Variants in BTN3A3 observed in about 807,000 individuals in gnomAD.
BTN3A3 encodes butyrophilin subfamily 3 member A3, also known as butyrophilin 3.
BTN3A3 carries 39 observed loss-of-function variants against 43.2 expected under a neutral mutation model. The ratio of observed to expected loss-of-function variants is 0.90; its 90% confidence interval spans 0.70 to 1.18. The LOEUF is 1.18. Ranked by LOEUF, BTN3A3 falls within the 50% of genes most tolerant of loss-of-function variation. BTN3A3 has a pLI of 0.00. For synonymous variants in BTN3A3, 255 were observed against 272.7 expected, an observed-to-expected ratio of 0.93 and a Z score of 0.64; for missense variants, 631 against 722.8, an observed-to-expected ratio of 0.87 and a Z score of 1.46.
In BTN3A3 at chr6:26,448,269, AG is replaced by A. The variant is rs1762834972; in HGVS notation, c.738del (p.Gln246HisfsTer45). ...GCAGACCCCTTCTTCAGGAGCGCCC[AG>A]CCCTGGATCGCGGCCCTGGCAGGGA... ...SIADPFFRSA[Q>X]PWIAALAGTL... On this transcript the variant is annotated frameshift_variant, in exon 6 of 11. Coordinates refer to ENST00000244519, the MANE Select transcript of BTN3A3 (RefSeq NM_006994.5). LOFTEE classifies it high-confidence loss of function. The A allele has an allele frequency of 6.2e-7, 1 of 1,612,594 alleles. No homozygotes were observed. The highest frequency in any genetic ancestry group is 8.5e-7 in the Non-Finnish European group (1 of 1,179,806).
chr6:26,443,552 G>C lies in BTN3A3; in HGVS notation c.-5-18G>C, dbSNP rs553279861. ...CATAGTGTCTGTCCCACACCTTCTG[G>C]TATCTCTTGATATGCAGCATAGATG... On this transcript the variant is annotated intron_variant, in intron 2 of 10. Coordinates refer to ENST00000244519, the MANE Select transcript of BTN3A3 (RefSeq NM_006994.5). 200 of 1,613,318 alleles carry C rather than the reference G, an allele frequency of 1.2e-4. No homozygotes were observed. The highest frequency in any genetic ancestry group is 1.6e-4 in the Non-Finnish European group (191 of 1,179,410).
At position 26,450,087 on chromosome 6, in the gene BTN3A3, C is replaced by T. The variant is rs1371067457; in HGVS notation, c.992-20C>T. The T allele has an allele frequency of 6.2e-7, 1 of 1,612,624 alleles. No individual in the cohort carries two copies. The highest frequency in any genetic ancestry group is 8.5e-7 in the Non-Finnish European group (1 of 1,178,730). On this transcript the variant is annotated intron_variant, in intron 9 of 10. Coordinates refer to ENST00000244519, the MANE Select transcript of BTN3A3 (RefSeq NM_006994.5). ...ACAAAAATACTGACCTTTTTCTTAT[C>T]TGTGTCTCCTTCCTTTCAGAATGGA... is the stretch of plus-strand genomic sequence containing the variant.
intron 1 of BTN3A3, among the ~76,000 whole-genome samples, chr6:26,442,952 CA>C (rs1387247224): frequency 1.3e-5 from 2 of 152,214 alleles, no homozygotes; most frequent in African/African-American, 4.8e-5. Context: ...TGTGGGTGCT[CA>C]GTAAATACTT....
chr6:26,441,294 G>A (rs542590251), intron 1 of BTN3A3, among the ~76,000 whole-genome samples: 27 of 152,258 alleles, frequency 1.8e-4, no homozygotes, highest in African/African-American at 6.5e-4. Context: ...TTTAGGTACA[G>A]TATCTGTTTT....
Position 26,445,729 on chromosome 6 carries a change from A to G in BTN3A3, c.459A>G (p.Glu153=). 1 of 1,614,162 alleles carries G rather than the reference A, an allele frequency of 6.2e-7. No individual in the cohort carries two copies. Among genetic ancestry groups the G allele is most frequent in the Non-Finnish European group, 8.5e-7 (1 of 1,180,022 alleles). Residue 153 remains glutamate, a synonymous_variant, in exon 5 of 11, where the codon GAA becomes GAG. Coordinates refer to ENST00000244519, the MANE Select transcript of BTN3A3 (RefSeq NM_006994.5). ...VAALGSDLHI[E]VKGYEDGGIH... ...CATTGGGTTCTGATCTTCACATTGA[A>G]GTGAAGGGTTATGAGGATGGAGGGA...
In BTN3A3 at chr6:26,450,117, G is replaced by T; in HGVS notation, c.1002G>T (p.Met334Ile). 1.2e-6 allele frequency: 2 copies of T among 1,613,724 alleles called. No homozygotes were observed. Among genetic ancestry groups the T allele is most frequent in the Non-Finnish European group, 1.7e-6 (2 of 1,179,658 alleles). Residue 334 changes from methionine (M) to isoleucine (I), a missense_variant, in exon 10 of 11, where the codon ATG (methionine) becomes ATT (isoleucine). Coordinates refer to ENST00000244519, the MANE Select transcript of BTN3A3 (RefSeq NM_006994.5). ...TCTCCTTCCTTTCAGAATGGAAAAT[G>T]GCCCTCTTCAAACCTGGTGAGTAAA... ...EKSLAYHEWK[M>I]ALFKPADVIL... is the part of the protein sequence containing the mutation.
Position 26,440,505 on chromosome 6 carries a change from T to C in BTN3A3, c.-210T>C, listed in dbSNP as rs1217879724. On this transcript the variant is annotated 5_prime_UTR_variant, in exon 1 of 11. Coordinates refer to ENST00000244519, the MANE Select transcript of BTN3A3 (RefSeq NM_006994.5). Reference sequence around the variant, plus strand: ...AACTAATTCTTCCAAAAAGAGATTGTTATTATTCCTCACAATAACCAGATA... The same window carrying C: ...AACTAATTCTTCCAAAAAGAGATTGCTATTATTCCTCACAATAACCAGATA... The C allele has an allele frequency of 6.6e-6, 1 of 152,220 alleles. No homozygotes were observed. The highest frequency in any genetic ancestry group is 1.5e-5 in the Non-Finnish European group (1 of 68,040). The allele number at this position is 152,220 out of a possible 1,614,324, so 9.4% of individuals were successfully genotyped here.
rs373589611 is a variant in BTN3A3, at chr6:26,445,793, C to T, written c.523C>T (p.Pro175Ser). ...CAGGTCCACTGGCTGGTACCCCCAA[C>T]CCCAAATAAAGTGGAGCGACACCAA... ...ECRSTGWYPQ[P>S]QIKWSDTKGE... Residue 175 changes from proline (P) to serine (S), a missense_variant, in exon 5 of 11, where the codon CCC (proline) becomes TCC (serine). Pro to Ser is a moderately conservative substitution (Grantham distance 74). Coordinates refer to ENST00000244519, the MANE Select transcript of BTN3A3 (RefSeq NM_006994.5). The T allele has an allele frequency of 9.9e-6, 16 of 1,614,042 alleles. No individual in the cohort carries two copies. The highest frequency in any genetic ancestry group is 8.9e-5 in the East Asian group (4 of 44,890).
chr6:26,445,550 T>C, intron 4 of BTN3A3, 154 bp from the exon 5 acceptor site: 1 of 921,700 alleles, frequency 1.1e-6, no homozygotes. Context: ...CACTAGCCCA[T>C]TTAGTTTTCT....
rs147467780 is a variant in BTN3A3, at chr6:26,445,916, G to T, written c.646G>T (p.Gly216Trp). ...ASVIMRGSSGGGVSCIIRNSL... is the reference protein window; with the variant it reads ...ASVIMRGSSGWGVSCIIRNSL... ...TGTGATCATGAGAGGCAGCTCTGGT[G>T]GGGGTGTATCCTGCATCATCAGAAA... Residue 216 changes from glycine to tryptophan, a missense_variant, in exon 5 of 11, where the codon GGG becomes TGG. By Grantham distance (184) the Gly-to-Trp change is radical (BLOSUM62 -2). Around this residue, in one of 2 missense-constraint regions of BTN3A3, gnomAD observed 551 missense variants for 584.0 expected, o/e 0.94. Coordinates refer to ENST00000244519, the MANE Select transcript of BTN3A3 (RefSeq NM_006994.5). 46 of 1,614,104 alleles carry T rather than the reference G, an allele frequency of 2.8e-5. No homozygotes were observed. In the African/African-American group the frequency reaches 3.9e-4, roughly 14 times the overall value.
chr6:26,447,147 T>C (rs1467609707), intron 5 of BTN3A3, among the ~76,000 whole-genome samples: 1 of 152,204 alleles, frequency 6.6e-6, no homozygotes, highest in Non-Finnish European at 1.5e-5. Flanking sequence ...AAAAAAGAGA[T>C]AATTCTCTCT....
At position 26,444,040 on chromosome 6, in the gene BTN3A3, A is replaced by T. The variant is rs1234955164; in HGVS notation, c.169A>T (p.Thr57Ser). 11 of 1,613,892 alleles carry T rather than the reference A, an allele frequency of 6.8e-6. No homozygotes were observed. The highest frequency in any genetic ancestry group is 9.3e-6 in the Non-Finnish European group (11 of 1,179,830). ...TGATCTGCCCTGTCACCTGTTCCCGACCATGAGTGCAGAGACCATGGAGCT... is the reference window on the plus strand; with the variant it reads ...TGATCTGCCCTGTCACCTGTTCCCGTCCATGAGTGCAGAGACCATGGAGCT... ...DADLPCHLFP[T>S]MSAETMELRW... The change falls in exon 4 of 11, where the codon ACC (threonine) becomes TCC (serine). Residue 57 changes from threonine (T) to serine (S), a missense_variant. Physicochemically the swap from Thr to Ser is moderately conservative, Grantham distance 58. This residue lies in a region of BTN3A3 where 80 missense variants were observed against 138.7 expected (regional missense o/e 0.58). Transcript: ENST00000244519.
intron 10 of BTN3A3, 82 bp from the exon 11 acceptor site, chr6:26,451,593 A>G (rs1762931126): frequency 1.3e-6 from 2 of 1,534,740 alleles, no homozygotes; most frequent in East Asian, 4.5e-5. Context: ...CCTCCTTAGC[A>G]TGGTCCAGGC....
chr6:26,445,778 G>A lies in BTN3A3; in HGVS notation c.508G>A (p.Gly170Ser), dbSNP rs1230739806. 1 of 1,614,194 alleles carries A rather than the reference G, an allele frequency of 6.2e-7. No homozygotes were observed. Among genetic ancestry groups the A allele is most frequent in the Admixed American group, 1.7e-5 (1 of 60,026 alleles). ...GGIHLECRST[G>S]WYPQPQIKWS... ...GATCCATCTGGAGTGCAGGTCCACT[G>A]GCTGGTACCCCCAACCCCAAATAAA... is the stretch of plus-strand genomic sequence containing the variant. Residue 170 changes from glycine (G) to serine (S), a missense_variant, in exon 5 of 11, where the codon GGC (glycine) becomes AGC (serine). Physicochemically the swap from Gly to Ser is moderately conservative, Grantham distance 56. This residue lies in a region of BTN3A3 where 551 missense variants were observed against 584.0 expected (regional missense o/e 0.94). Coordinates refer to ENST00000244519, the MANE Select transcript of BTN3A3 (RefSeq NM_006994.5).
At chr6:26,451,491 C>G (rs905030596) in intron 10 of BTN3A3, among the ~76,000 whole-genome samples, 184 bp from the exon 11 acceptor site, 3 of 152,086 alleles carry the variant, frequency 2.0e-5, no homozygotes, top group Admixed American at 1.3e-4. Flanking sequence ...TTTCATTTCC[C>G]CTCTGGACAC....
At chr6:26,448,195 C>G in intron 5 of BTN3A3, 53 bp from the exon 6 acceptor site, 1 of 1,589,412 alleles carries the variant, frequency 6.3e-7, no homozygotes, top group Admixed American at 1.7e-5. Context: ...GGTGCTGAGG[C>G]TGGGGAGGCT....
intron 1 of BTN3A3, among the ~76,000 whole-genome samples, chr6:26,442,631 A>C (rs1561859977): frequency 6.6e-6 from 1 of 152,198 alleles, no homozygotes. Flanking sequence ...TCCTCTAAAC[A>C]GTCTCCTGTT....
chr6:26,451,310 G>A (rs779600199), intron 10 of BTN3A3, among the ~76,000 whole-genome samples: 1 of 152,190 alleles, frequency 6.6e-6, no homozygotes, highest in Admixed American at 6.5e-5. Flanking sequence ...GAAAAGGGGA[G>A]CTCATTTAGT....
In BTN3A3 at chr6:26,452,532, C is replaced by A; in HGVS notation, c.*121C>A. On this transcript the variant is annotated 3_prime_UTR_variant, in exon 11 of 11. Transcript: ENST00000244519. ...AATTAACTTTACAAAGTAGACATGA[C>A]AAGTGAACAGCAGAGCTGGGATCTA... 1.2e-6 allele frequency: 1 copy of A among 834,046 alleles called. No homozygotes were observed. 51.7% of individuals were successfully genotyped at this position (834,046 alleles called of 1,614,324 possible).
Sources: gnomAD v4.1 joint callset for allele counts (sites outside exome capture counted in the v4.1 genomes callset) on GRCh38, gnomAD v4.1.1 for gene constraint, gnomAD v4.1.1 regional missense constraint, MANE v1.5 for transcripts, NCBI Gene and HGNC (gene_info 2026-07-23, HGNC 2026-07-21) for gene names.